The following UBE3D variants were observed in gnomAD, a reference collection of about 807,000 sequenced individuals.
UBE3D encodes ubiquitin protein ligase E3D.
In UBE3D, 48 loss-of-function variants were observed where a neutral mutation model predicts 49.6. The ratio of observed to expected loss-of-function variants is 0.97; its 90% CI spans 0.77 to 1.23. The LOEUF (loss-of-function observed/expected upper bound fraction) is 1.23, where lower values mean the gene tolerates loss of function less well. Ranked by LOEUF, UBE3D falls within the 50% of genes most tolerant of loss-of-function variation. UBE3D has a pLI of 0.00. For synonymous variants in UBE3D, 189 were observed against 174.2 expected (o/e 1.08, Z -0.67); for missense variants, 452 against 468.4 (o/e 0.96, Z 0.32).
the UBE3D span, among the ~76,000 whole-genome samples, chr6:82,887,389 G>GTTTTTGTTTTGTTTTGTTTTTTTTTTTT: frequency 7.1e-5 from 7 of 98,368 alleles, no homozygotes; most frequent in East Asian, 2.9e-4. Flanking sequence ...GACAGTAACA[G>GTTTTTGTTTTGTTTTGTTTTTTTTTTTT]TTTTTTTTTT....
chr6:82,896,403 ATAAT>A (rs1771318690), intron 9 of UBE3D, among the ~76,000 whole-genome samples: 1 of 138,474 alleles, frequency 7.2e-6, no homozygotes. Context: ...CAACGTATAA[ATAAT>A]TATTTTAAAA....
chr6:83,025,669 G>T (rs1289513103), intron 5 of UBE3D, among the ~76,000 whole-genome samples: 1 of 151,662 alleles, frequency 6.6e-6, no homozygotes, highest in Admixed American at 6.6e-5. Context: ...GATCACCTGG[G>T]GTCAGGCGTT....
intron 5 of UBE3D, chr6:83,036,811 A>G (rs1225399527): frequency 6.6e-6 from 1 of 151,548 alleles, no homozygotes; most frequent in Non-Finnish European, 1.5e-5. Context: ...ATAGTGCACC[A>G]CAGCCTTGAA....
At chr6:83,057,038 A>G (rs1016672959) in intron 2 of UBE3D, among the ~76,000 whole-genome samples, 3 of 152,354 alleles carry the variant, frequency 2.0e-5, no homozygotes, top group Admixed American at 1.3e-4. Flanking sequence ...CCACTGCCTT[A>G]CCGAATCATT....
At chr6:82,989,378 A>C (rs894049315) in intron 8 of UBE3D, among the ~76,000 whole-genome samples, 5 of 151,888 alleles carry the variant, frequency 3.3e-5, no homozygotes, top group African/African-American at 1.2e-4. Flanking sequence ...GCTACATGGC[A>C]TCTAGTATAT....
intron 8 of UBE3D, among the ~76,000 whole-genome samples, chr6:82,992,306 T>A (rs1202793067): frequency 7.1e-6 from 1 of 140,628 alleles, no homozygotes; most frequent in Non-Finnish European, 1.5e-5. Flanking sequence ...CACTGCAACC[T>A]CTGCCTCCTG....
At chr6:82,987,964 T>C (rs941637588) in intron 8 of UBE3D, among the ~76,000 whole-genome samples, 1 of 152,090 alleles carries the variant, frequency 6.6e-6, no homozygotes, top group African/African-American at 2.4e-5. Context: ...AAAAGCAAGT[T>C]GCAAAAAATA....
intron 8 of UBE3D, among the ~76,000 whole-genome samples, chr6:82,961,752 G>A (rs13217062): frequency 0.12 from 17,724 of 151,856 alleles, 1,434 homozygotes; most frequent in Middle Eastern, 0.2. Context: ...ACCTGAGGTC[G>A]GGAGTTCGAG....
At chr6:82,925,395 C>T (rs1773673288) in intron 9 of UBE3D, among the ~76,000 whole-genome samples, 1 of 152,124 alleles carries the variant, frequency 6.6e-6, no homozygotes, top group Non-Finnish European at 1.5e-5. Context: ...TTCTTTAAGT[C>T]AAAAGCCAGA....
At chr6:82,889,272 C>G (rs1465736534), downstream of UBE3D, among the ~76,000 whole-genome samples, 1 of 152,200 alleles carries the variant, frequency 6.6e-6, no homozygotes, top group Non-Finnish European at 1.5e-5. Flanking sequence ...GGAACAGCAA[C>G]TAGGCTGGCT....
intron 8 of UBE3D, among the ~76,000 whole-genome samples, chr6:82,994,346 A>G (rs1478810700): frequency 6.6e-6 from 1 of 152,232 alleles, no homozygotes; most frequent in Non-Finnish European, 1.5e-5. Context: ...TAGCAAACAC[A>G]ATGAACTGTA....
chr6:83,016,329 T>G (rs186315491), intron 8 of UBE3D, among the ~76,000 whole-genome samples: 255 of 152,316 alleles, frequency 1.7e-3, no homozygotes, highest in African/African-American at 6.0e-3. Context: ...CTAAACTCCT[T>G]GCCTCTCATG....
chr6:82,976,409 C>T (rs1777720550), intron 8 of UBE3D, among the ~76,000 whole-genome samples: 1 of 152,178 alleles, frequency 6.6e-6, no homozygotes, highest in African/African-American at 2.4e-5. Context: ...GTTAAAACAG[C>T]TGCTCATGCT....
chr6:82,967,212 C>T (rs1195442627), intron 8 of UBE3D, among the ~76,000 whole-genome samples: 1 of 152,180 alleles, frequency 6.6e-6, no homozygotes, highest in Non-Finnish European at 1.5e-5. Context: ...GAGATGCTGT[C>T]TATCCTTCAC....
chr6:83,011,243 C>T (rs530782985), intron 8 of UBE3D, among the ~76,000 whole-genome samples: 1 of 152,262 alleles, frequency 6.6e-6, no homozygotes, highest in Non-Finnish European at 1.5e-5. Context: ...CATGCACAAA[C>T]GTGTTTTTAA....
chr6:83,015,869 G>GACATTGCCACTA (rs1227390673), intron 8 of UBE3D, among the ~76,000 whole-genome samples: 1 of 152,162 alleles, frequency 6.6e-6, no homozygotes, highest in Non-Finnish European at 1.5e-5. Flanking sequence ...TTGGGGAGGG[G>GACATTGCCACTA]ACATTGCCAC....
At position 82,897,107 on chromosome 6, in the gene UBE3D, C is replaced by A. The variant is rs559153290; in HGVS notation, c.1150-4065G>T. Among the ~76,000 whole-genome samples, 10 of 152,006 alleles carry A rather than the reference C, an allele frequency of 6.6e-5. No homozygotes were observed. In the East Asian group the frequency reaches 1.9e-3, roughly 29 times the overall value. On this transcript the variant is annotated intron_variant, in intron 9 of 9. Coordinates refer to ENST00000369747, the MANE Select transcript of UBE3D (RefSeq NM_198920.3). Reference sequence around the variant, plus strand: ...ACATAGAAAGGCTTTAGAAAGGACTCTTTACACTAAGTAGACAGACACAAA... The same window carrying A: ...ACATAGAAAGGCTTTAGAAAGGACTATTTACACTAAGTAGACAGACACAAA...
intron 9 of UBE3D, among the ~76,000 whole-genome samples, chr6:82,923,379 A>T (rs1773500305): frequency 6.6e-6 from 1 of 152,258 alleles, no homozygotes. Context: ...CTACGCAGCC[A>T]TAAAAAAGGA....
intron 8 of UBE3D, among the ~76,000 whole-genome samples, chr6:82,961,574 C>G (rs927489175): frequency 6.6e-6 from 1 of 152,248 alleles, no homozygotes; most frequent in Non-Finnish European, 1.5e-5. Context: ...CCACACCACA[C>G]TGACTGCTGA....
Sources: allele counts gnomAD v4.1 joint callset (sites outside exome capture counted in the v4.1 genomes callset), GRCh38; gene constraint gnomAD v4.1.1; transcripts MANE v1.5; gene names NCBI Gene and HGNC (gene_info 2026-07-23, HGNC 2026-07-21).